The following STXBP5L variants were observed in gnomAD, a reference collection of about 807,000 sequenced individuals.
STXBP5L encodes syntaxin binding protein 5L.
Under a neutral mutation model 144.5 loss-of-function variants are expected in STXBP5L, and 65 were observed. That is an observed-to-expected ratio of 0.45 (90% confidence interval 0.37 to 0.55). STXBP5L has a LOEUF of 0.55. Among genes scored for constraint, STXBP5L ranks in the 20% least tolerant of loss-of-function variants. The probability of loss-of-function intolerance (pLI) is 0.00; values close to 1 mark genes in which losing one functional copy is unlikely to be tolerated. For synonymous variants in STXBP5L, 505 were observed against 469.6 expected (o/e 1.08, Z -0.97); for missense variants, 1,298 against 1,405.5 (o/e 0.92, Z 1.22).
intron 3 of STXBP5L, among the ~76,000 whole-genome samples, chr3:121,003,729 A>T (rs1012214765): frequency 6.6e-6 from 1 of 152,122 alleles, no homozygotes; most frequent in African/African-American, 2.4e-5. Flanking sequence ...TAATTTTTGT[A>T]TAAGGTGTAA....
chr3:121,011,437 G>A (rs376964060), intron 3 of STXBP5L, among the ~76,000 whole-genome samples: 34 of 151,612 alleles, frequency 2.2e-4, no homozygotes, highest in African/African-American at 6.8e-4. Context: ...GAGATTTTCA[G>A]ATAATTGGGA....
intron 9 of STXBP5L, among the ~76,000 whole-genome samples, chr3:121,205,199 G>A (rs550800251): frequency 5.9e-5 from 9 of 152,260 alleles, no homozygotes; most frequent in East Asian, 1.9e-4. Flanking sequence ...TACACACTAC[G>A]CAATGTATAA....
chr3:121,045,975 C>T (rs2107567835), intron 5 of STXBP5L, among the ~76,000 whole-genome samples: 1 of 152,246 alleles, frequency 6.6e-6, no homozygotes. Flanking sequence ...AGGTTTTGCC[C>T]ATTCAGTATG....
Position 121,300,857 on chromosome 3 carries a change from G to C in STXBP5L, c.2111-17618G>C, listed in dbSNP as rs568595606. On this transcript the variant is annotated intron_variant, in intron 19 of 26. Coordinates refer to ENST00000471454, the MANE Select transcript of STXBP5L (RefSeq NM_001308330.2). Reference sequence around the variant, plus strand: ...AAAAGAAAAAGAGCTTCTGAGACAGGATTAAAAAGAAACAAATATCAAAAA... The same window carrying C: ...AAAAGAAAAAGAGCTTCTGAGACAGCATTAAAAAGAAACAAATATCAAAAA... Among the ~76,000 whole-genome samples, 45 of 152,054 alleles carry C rather than the reference G, an allele frequency of 3.0e-4. No homozygotes were observed. The South Asian group carries it at 9.1e-3, about 31-fold the overall frequency.
At chr3:121,301,718 C>G (rs1482819010) in intron 19 of STXBP5L, among the ~76,000 whole-genome samples, 1 of 152,082 alleles carries the variant, frequency 6.6e-6, no homozygotes, top group Non-Finnish European at 1.5e-5. Flanking sequence ...GAGATATGTC[C>G]CATCAATACC....
intron 4 of STXBP5L, 92 bp from the exon 5 acceptor site, chr3:121,045,343 G>A (rs773066998): frequency 2.4e-4 from 260 of 1,098,924 alleles, no homozygotes; most frequent in Non-Finnish European, 3.2e-4. Flanking sequence ...AACTCTTCAG[G>A]TAGTAAACAT....
At chr3:120,913,702 A>C (rs1259152786) in intron 2 of STXBP5L, among the ~76,000 whole-genome samples, 1 of 151,944 alleles carries the variant, frequency 6.6e-6, no homozygotes, top group Non-Finnish European at 1.5e-5. Flanking sequence ...GGTTTATTTA[A>C]AGCAGAGTAA....
Position 121,413,150 on chromosome 3 carries a change from CCATT to C in STXBP5L, c.2949-5_2949-2del, listed in dbSNP as rs1320260600. On this transcript the variant is annotated splice_region_variant and splice_polypyrimidine_tract_variant and intron_variant, in intron 23 of 26. Transcript: ENST00000471454. ...ATATGATATATGGATTTACTTTTTT[CCATT>C]CAGCCTACCTAGTCTTCGCCCAATG... The C allele has an allele frequency of 1.7e-5, 27 of 1,559,016 alleles. No homozygotes were observed. The highest frequency in any genetic ancestry group is 2.1e-5 in the Non-Finnish European group (24 of 1,156,842).
intron 6 of STXBP5L, among the ~76,000 whole-genome samples, chr3:121,116,609 A>G (rs1174316018): frequency 6.6e-6 from 1 of 152,084 alleles, no homozygotes; most frequent in Non-Finnish European, 1.5e-5. Context: ...ATACACTGCT[A>G]TTGACTTACA....
intron 3 of STXBP5L, among the ~76,000 whole-genome samples, chr3:121,040,906 T>A (rs1947101541): frequency 6.6e-6 from 1 of 152,178 alleles, no homozygotes. Flanking sequence ...GGTGAATAAA[T>A]CTGGCCCACA....
In STXBP5L at chr3:121,002,976, T is replaced by C. The variant is rs1382081907; in HGVS notation, c.288-38724T>C. ...ATTATTGTTGGACATTTGGCTTGGT[T>C]CCAAGTCCTTGCTATTGTGAATAGT... On this transcript the variant is annotated intron_variant, in intron 3 of 26. Transcript: ENST00000471454. Among the ~76,000 whole-genome samples the C allele has an allele frequency of 3.3e-5, 5 of 152,218 alleles. No homozygotes were observed. The South Asian group carries it at 1.0e-3, about 31-fold the overall frequency.
At chr3:120,957,791 C>G (rs1023290792) in intron 3 of STXBP5L, among the ~76,000 whole-genome samples, 1 of 151,546 alleles carries the variant, frequency 6.6e-6, no homozygotes, top group Non-Finnish European at 1.5e-5. Context: ...CACTAAATGC[C>G]CACAAGAGAA....
chr3:120,934,934 T>C (rs1710181949), intron 2 of STXBP5L, among the ~76,000 whole-genome samples: 1 of 152,008 alleles, frequency 6.6e-6, no homozygotes. Flanking sequence ...GGGACTGGTT[T>C]TTTAATCCAC....
intron 5 of STXBP5L, among the ~76,000 whole-genome samples, chr3:121,047,715 C>T (rs757114869): frequency 6.6e-6 from 1 of 152,060 alleles, no homozygotes; most frequent in Admixed American, 6.6e-5. Flanking sequence ...TTTCCTCTAT[C>T]CCTTTACTTT....
At chr3:121,363,325 C>T (rs1230437354) in intron 20 of STXBP5L, among the ~76,000 whole-genome samples, 1 of 152,094 alleles carries the variant, frequency 6.6e-6, no homozygotes, top group African/African-American at 2.4e-5. Flanking sequence ...TAGGACTCAC[C>T]TAAGAGTTGT....
chr3:121,105,318 C>A (rs539237346), intron 5 of STXBP5L, among the ~76,000 whole-genome samples: 86 of 152,062 alleles, frequency 5.7e-4, no homozygotes, highest in African/African-American at 1.9e-3. Flanking sequence ...ATCGCTTGAA[C>A]CTGGGAGGCA....
At chr3:121,067,987 T>C (rs1412401427) in intron 5 of STXBP5L, among the ~76,000 whole-genome samples, 1 of 152,228 alleles carries the variant, frequency 6.6e-6, no homozygotes, top group Non-Finnish European at 1.5e-5. Context: ...GCATACAATT[T>C]TAAAAAATTA....
At chr3:121,106,609 T>A (rs1481195977) in intron 5 of STXBP5L, among the ~76,000 whole-genome samples, 1 of 152,240 alleles carries the variant, frequency 6.6e-6, no homozygotes, top group African/African-American at 2.4e-5. Flanking sequence ...TTCCATGGTG[T>A]ATATGTATCA....
chr3:121,048,975 G>T (rs1409458616), intron 5 of STXBP5L, among the ~76,000 whole-genome samples: 2 of 152,126 alleles, frequency 1.3e-5, no homozygotes, highest in Admixed American at 6.5e-5. Context: ...CAATCCCAAG[G>T]GCAACAGGAG....
Sources: allele counts gnomAD v4.1 joint callset (sites outside exome capture counted in the v4.1 genomes callset), GRCh38; gene constraint gnomAD v4.1.1; transcripts MANE v1.5; gene names NCBI Gene and HGNC (gene_info 2026-07-23, HGNC 2026-07-21).